The following SSH2 variants were observed in gnomAD, a reference collection of about 807,000 sequenced individuals.
SSH2 encodes protein phosphatase Slingshot homolog 2.
SSH2 carries 37 observed loss-of-function variants against 135.2 expected under a neutral mutation model. The ratio of observed to expected loss-of-function variants is 0.27; its 90% CI spans 0.21 to 0.36. SSH2 has a LOEUF of 0.36. SSH2 is among the 10% of genes least tolerant of loss of function. The pLI is 1.00. For synonymous variants in SSH2, 628 were observed against 646.2 expected, an observed-to-expected ratio of 0.97 and a Z score of 0.43; for missense variants, 1,408 against 1,765.3, an observed-to-expected ratio of 0.80 and a Z score of 3.63.
At chr17:29,669,372 C>T (rs1013487068) in intron 9 of SSH2, among the ~76,000 whole-genome samples, 4 of 152,176 alleles carry the variant, frequency 2.6e-5, no homozygotes, top group African/African-American at 9.7e-5. Context: ...TATGTATATT[C>T]CCTTCTTCCT....
chr17:29,691,881 G>C (rs2038494702), intron 5 of SSH2, among the ~76,000 whole-genome samples: 1 of 151,468 alleles, frequency 6.6e-6, no homozygotes, highest in Non-Finnish European at 1.5e-5. Flanking sequence ...GCTCATGCCT[G>C]TAATCCCAGC....
intron 3 of SSH2, among the ~76,000 whole-genome samples, chr17:29,709,013 T>G (rs374025970): frequency 0.012 from 1,054 of 88,068 alleles, 8 homozygotes; most frequent in African/African-American, 0.034. Flanking sequence ...TATATATATA[T>G]ATAGAGAGAG....
intron 3 of SSH2, among the ~76,000 whole-genome samples, chr17:29,793,455 A>T (rs1383588123): frequency 6.6e-6 from 1 of 152,182 alleles, no homozygotes; most frequent in Non-Finnish European, 1.5e-5. Context: ...AATGTTCTTC[A>T]GTTGATATTT....
chr17:29,911,666 A>G (rs138931537), intron 1 of SSH2, among the ~76,000 whole-genome samples: 2 of 152,302 alleles, frequency 1.3e-5, no homozygotes, highest in East Asian at 3.9e-4. Context: ...AGATCAAGCA[A>G]ACTTACCCCC....
chr17:29,681,669 A>G lies in SSH2; in HGVS notation c.479+2894T>C, dbSNP rs1231280519. Among the ~76,000 whole-genome samples, 5 of 152,258 alleles carry G rather than the reference A, an allele frequency of 3.3e-5. No homozygotes were observed. The East Asian group carries it at 9.6e-4, about 29-fold the overall frequency. ...ATGCTGCATATTTAAAAAATTATTAAAATATAACATAATACTCAAAGAACT... is the reference window on the plus strand; with the variant it reads ...ATGCTGCATATTTAAAAAATTATTAGAATATAACATAATACTCAAAGAACT... On this transcript the variant is annotated intron_variant, in intron 6 of 15. Coordinates refer to ENST00000540801, the MANE Select transcript of SSH2 (RefSeq NM_001282129.2).
At chr17:29,922,392 A>G (rs1456576714) in intron 1 of SSH2, among the ~76,000 whole-genome samples, 1 of 151,854 alleles carries the variant, frequency 6.6e-6, no homozygotes. Flanking sequence ...CACAAACTGA[A>G]AAGAATAGCT....
At chr17:29,702,641 C>G (rs1220522842) in intron 4 of SSH2, among the ~76,000 whole-genome samples, 1 of 152,090 alleles carries the variant, frequency 6.6e-6, no homozygotes, top group African/African-American at 2.4e-5. Flanking sequence ...GGTGACACAG[C>G]GAAACTCCAT....
At chr17:29,890,387 A>T (rs1316207661) in intron 1 of SSH2, among the ~76,000 whole-genome samples, 1 of 152,262 alleles carries the variant, frequency 6.6e-6, no homozygotes, top group East Asian at 1.9e-4. Context: ...CATAATAGCC[A>T]AAAGACAGAA....
At chr17:29,912,361 T>C (rs770004534) in intron 1 of SSH2, among the ~76,000 whole-genome samples, 1 of 152,252 alleles carries the variant, frequency 6.6e-6, no homozygotes, top group African/African-American at 2.4e-5. Flanking sequence ...ATATTCCTAC[T>C]GTTTAAATTT....
chr17:29,865,757 C>A (rs1243909462), intron 1 of SSH2, among the ~76,000 whole-genome samples: 1 of 152,114 alleles, frequency 6.6e-6, no homozygotes, highest in East Asian at 1.9e-4. Context: ...AAATTAGTGT[C>A]TTCTAAAGAC....
At chr17:29,843,698 C>A (rs1034611109) in intron 2 of SSH2, among the ~76,000 whole-genome samples, 1 of 152,168 alleles carries the variant, frequency 6.6e-6, no homozygotes, top group East Asian at 1.9e-4. Flanking sequence ...CTCAGAAGAA[C>A]CCTGAGAATT....
At chr17:29,784,065 CAAAAAAA>C (rs71138857) in intron 3 of SSH2, among the ~76,000 whole-genome samples, 33 of 8,232 alleles carry the variant, frequency 4.0e-3, no homozygotes, top group East Asian at 0.019. Context: ...GACTCCGTCT[CAAAAAAA>C]AAAAAAAAAA....
intron 3 of SSH2, among the ~76,000 whole-genome samples, chr17:29,743,663 C>A (rs1305834371): frequency 6.6e-6 from 1 of 152,104 alleles, no homozygotes; most frequent in East Asian, 1.9e-4. Context: ...TACTCAAGCA[C>A]TTCCAAGGGG....
chr17:29,887,619 A>G (rs984562078), intron 1 of SSH2, among the ~76,000 whole-genome samples: 1 of 152,188 alleles, frequency 6.6e-6, no homozygotes, highest in Admixed American at 6.5e-5. Flanking sequence ...TCAGGACTGA[A>G]TCAGATCATA....
At chr17:29,757,625 G>A (rs1049958768) in intron 3 of SSH2, among the ~76,000 whole-genome samples, 2 of 151,200 alleles carry the variant, frequency 1.3e-5, no homozygotes, top group South Asian at 2.1e-4. Flanking sequence ...GCACGGTAGC[G>A]CACTCCTGCA....
Position 29,930,146 on chromosome 17 carries a change from A to C in SSH2, c.-146T>G. 1 of 726,120 alleles carries C rather than the reference A, an allele frequency of 1.4e-6. No individual in the cohort carries two copies. The highest frequency in any genetic ancestry group is 2.2e-6 in the Non-Finnish European group (1 of 447,974). 45.0% of individuals were successfully genotyped at this position (726,120 alleles called of 1,614,324 possible). On this transcript the variant is annotated 5_prime_UTR_variant, in exon 1 of 16. Transcript: ENST00000540801. Reference sequence around the variant, plus strand: ...GAGGAGGCCGCGGGAACGGCCGCAGACTCCGCACCCACCACCAGACTGTCG... The same window carrying C: ...GAGGAGGCCGCGGGAACGGCCGCAGCCTCCGCACCCACCACCAGACTGTCG...
chr17:29,836,681 T>C (rs2042948872), intron 2 of SSH2, among the ~76,000 whole-genome samples: 1 of 152,246 alleles, frequency 6.6e-6, no homozygotes, highest in African/African-American at 2.4e-5. Flanking sequence ...CAGCAAGTCA[T>C]GGCCTTTGTA....
chr17:29,821,817 T>C (rs1252611547), intron 2 of SSH2, among the ~76,000 whole-genome samples: 1 of 152,184 alleles, frequency 6.6e-6, no homozygotes, highest in Non-Finnish European at 1.5e-5. Flanking sequence ...CTAATCTTTT[T>C]GTATTTTTAG....
At chr17:29,761,191 G>A in intron 3 of SSH2, 2 of 1,289,814 alleles carry the variant, frequency 1.6e-6, no homozygotes, top group Non-Finnish European at 2.0e-6. Context: ...CGTTGGCGGA[G>A]AAGTAAGGAA....
Sources: allele counts gnomAD v4.1 joint callset (sites outside exome capture counted in the v4.1 genomes callset), GRCh38; gene constraint gnomAD v4.1.1; transcripts MANE v1.5; gene names NCBI Gene and HGNC (gene_info 2026-07-23, HGNC 2026-07-21).